The following ASIC2 variants were observed in gnomAD, a reference collection of about 807,000 sequenced individuals.
ASIC2 encodes the protein acid sensing ion channel subunit 2.
Under a neutral mutation model 57.3 loss-of-function variants are expected in ASIC2, and 25 were observed. The ratio of observed to expected loss-of-function variants is 0.44; its 90% CI spans 0.32 to 0.61. The LOEUF (loss-of-function observed/expected upper bound fraction) is 0.61. ASIC2 is among the 20% of genes least tolerant of loss of function. The probability of loss-of-function intolerance (pLI) is 0.06; values close to 1 mark genes in which losing one functional copy is unlikely to be tolerated. For missense variants in ASIC2, 641 were observed against 738.1 expected, an observed-to-expected ratio of 0.87 and a Z score of 1.52; for synonymous variants, 319 against 307.5, an observed-to-expected ratio of 1.04 and a Z score of -0.39.
At chr17:33,817,035 G>A (rs1040131884) in intron 1 of ASIC2, among the ~76,000 whole-genome samples, 5 of 152,222 alleles carry the variant, frequency 3.3e-5, no homozygotes, top group Non-Finnish European at 1.5e-5. Flanking sequence ...TGCTCTCCCA[G>A]AGCAGCAGTG....
At chr17:34,056,867 G>A (rs1453916290) in intron 1 of ASIC2, among the ~76,000 whole-genome samples, 27 of 152,226 alleles carry the variant, frequency 1.8e-4, no homozygotes, top group Admixed American at 1.8e-3. Flanking sequence ...CTCATATCTT[G>A]AGGTTAAACA....
At chr17:33,729,627 A>G (rs1909676533) in intron 1 of ASIC2, among the ~76,000 whole-genome samples, 1 of 152,120 alleles carries the variant, frequency 6.6e-6, no homozygotes. Flanking sequence ...TTTCCAAACA[A>G]TGTGATCTGG....
intron 1 of ASIC2, among the ~76,000 whole-genome samples, chr17:33,195,541 T>C (rs1047878329): frequency 6.6e-6 from 1 of 152,216 alleles, no homozygotes; most frequent in Admixed American, 6.5e-5. Context: ...TTTTTGATCA[T>C]GTATAGTAAA....
chr17:34,106,235 G>A (rs1246849638), intron 1 of ASIC2, among the ~76,000 whole-genome samples: 2 of 151,964 alleles, frequency 1.3e-5, no homozygotes, highest in East Asian at 3.9e-4. Flanking sequence ...TTCCCTCATT[G>A]GTGATGTTAA....
Position 33,259,988 on chromosome 17 carries a change from A to G in ASIC2, c.708+31420T>C, listed in dbSNP as rs116697786. ...CTCTATATTAAAGATGCTGAGGGATATTGGCTGAGTGCGGTGGTGCACGCT... is the reference window on the plus strand; with the variant it reads ...CTCTATATTAAAGATGCTGAGGGATGTTGGCTGAGTGCGGTGGTGCACGCT... On this transcript the variant is annotated intron_variant, in intron 1 of 9. Coordinates refer to ENST00000225823, the MANE Select transcript of ASIC2 (RefSeq NM_183377.2). Among the ~76,000 whole-genome samples the G allele has an allele frequency of 2.0e-3, 297 of 152,226 alleles. 1 individual carries two copies. The highest frequency in any genetic ancestry group is 6.9e-3 in the African/African-American group (285 of 41,516).
chr17:33,593,660 C>T (rs1275289013), intron 1 of ASIC2, among the ~76,000 whole-genome samples: 1 of 152,194 alleles, frequency 6.6e-6, no homozygotes, highest in Non-Finnish European at 1.5e-5. Flanking sequence ...AGACGAAAGC[C>T]AGCCACACAG....
At chr17:33,754,251 G>A (rs1910520834) in intron 1 of ASIC2, among the ~76,000 whole-genome samples, 1 of 152,102 alleles carries the variant, frequency 6.6e-6, no homozygotes, top group African/African-American at 2.4e-5. Context: ...TAAAACATCA[G>A]GGATGATGGT....
chr17:33,269,500 C>A (rs757263014), intron 1 of ASIC2, among the ~76,000 whole-genome samples: 3 of 152,228 alleles, frequency 2.0e-5, no homozygotes, highest in Admixed American at 6.5e-5. Context: ...AACACACCAG[C>A]CTCCTGGCCT....
intron 1 of ASIC2, among the ~76,000 whole-genome samples, chr17:33,629,765 C>T (rs1906101769): frequency 6.6e-6 from 1 of 152,188 alleles, no homozygotes; most frequent in Non-Finnish European, 1.5e-5. Context: ...GGGCAAACTT[C>T]CAGGGTAGCA....
chr17:33,065,917 C>A (rs1190494268), intron 3 of ASIC2, among the ~76,000 whole-genome samples: 2 of 152,060 alleles, frequency 1.3e-5, no homozygotes, highest in Admixed American at 6.6e-5. Flanking sequence ...AAAGTCAAGG[C>A]CTTTGTATGA....
At chr17:33,238,181 T>C (rs1420652614) in intron 1 of ASIC2, among the ~76,000 whole-genome samples, 1 of 152,216 alleles carries the variant, frequency 6.6e-6, no homozygotes, top group Non-Finnish European at 1.5e-5. Flanking sequence ...TGAAGTCACG[T>C]GCTGGTGAAG....
chr17:33,809,177 G>C (rs35394413), intron 1 of ASIC2, among the ~76,000 whole-genome samples: 20,126 of 152,170 alleles, frequency 0.13, 1,423 homozygotes, highest in East Asian at 0.19. Context: ...ACTGTCCTCT[G>C]TGCACTGGCT....
At chr17:33,381,861 A>G (rs752170744) in intron 1 of ASIC2, among the ~76,000 whole-genome samples, 1 of 152,212 alleles carries the variant, frequency 6.6e-6, no homozygotes, top group African/African-American at 2.4e-5. Flanking sequence ...CTTTGCAGAA[A>G]TATAAACTGT....
At chr17:34,035,523 T>C (rs1282602186) in intron 1 of ASIC2, among the ~76,000 whole-genome samples, 1 of 150,958 alleles carries the variant, frequency 6.6e-6, no homozygotes, top group African/African-American at 2.4e-5. Flanking sequence ...AAAGCCAAAA[T>C]TGACAAATGG....
chr17:34,016,423 C>CAAAAAAAAAAAAA (rs398041640), intron 1 of ASIC2, among the ~76,000 whole-genome samples: 4 of 41,460 alleles, frequency 9.6e-5, no homozygotes, highest in African/African-American at 1.7e-4. Flanking sequence ...GACTCCGTCT[C>CAAAAAAAAAAAAA]AAAAAAAAAA....
chr17:33,695,080 A>C (rs994899292), intron 1 of ASIC2, among the ~76,000 whole-genome samples: 7 of 152,192 alleles, frequency 4.6e-5, no homozygotes, highest in Non-Finnish European at 7.3e-5. Context: ...AAAATATATC[A>C]CAAAAAAAGT....
chr17:33,099,406 A>G (rs1180585732), intron 2 of ASIC2, among the ~76,000 whole-genome samples: 4 of 152,190 alleles, frequency 2.6e-5, no homozygotes, highest in Non-Finnish European at 5.9e-5. Flanking sequence ...AGTGGCTGGA[A>G]TGTGGGAAAG....
At chr17:33,748,897 C>T (rs1160678705) in intron 1 of ASIC2, among the ~76,000 whole-genome samples, 2 of 152,214 alleles carry the variant, frequency 1.3e-5, no homozygotes, top group African/African-American at 4.8e-5. Flanking sequence ...GAACTGAAGT[C>T]CCATGGGACA....
chr17:33,730,991 C>T (rs188229423), intron 1 of ASIC2, among the ~76,000 whole-genome samples: 6 of 152,298 alleles, frequency 3.9e-5, no homozygotes, highest in Non-Finnish European at 7.3e-5. Context: ...TTCTACAACA[C>T]TCTCCTCTCC....
Sources: gnomAD v4.1 joint callset for allele counts (sites outside exome capture counted in the v4.1 genomes callset) on GRCh38, gnomAD v4.1.1 for gene constraint, MANE v1.5 for transcripts, NCBI Gene and HGNC (gene_info 2026-07-23, HGNC 2026-07-21) for gene names.